The following TANC1 variants were observed in gnomAD, a reference collection of about 807,000 sequenced individuals.
The protein encoded by TANC1 is tetratricopeptide repeat, ankyrin repeat and coiled-coil containing 1, also known as protein TANC1.
Under a neutral mutation model 149.7 loss-of-function variants are expected in TANC1, and 77 were observed. The ratio of observed to expected loss-of-function variants is 0.51; its 90% CI spans 0.43 to 0.62. The LOEUF is 0.62. Ranked by LOEUF, TANC1 falls within the 20% of genes least tolerant of loss-of-function variation. TANC1 has a pLI of 0.00. For missense variants in TANC1, 1,985 were observed against 2,321.8 expected (o/e 0.85, Z 2.98); for synonymous variants, 854 against 925.0 (o/e 0.92, Z 1.39).
At chr2:159,074,589 T>C (rs1402221183) in intron 3 of TANC1, among the ~76,000 whole-genome samples, 3 of 152,222 alleles carry the variant, frequency 2.0e-5, no homozygotes, top group East Asian at 1.9e-4. Context: ...ATGCATTGTT[T>C]CTTTGTGAGG....
chr2:158,972,865 A>G (rs1274956723), intron 1 of TANC1, among the ~76,000 whole-genome samples: 1 of 152,176 alleles, frequency 6.6e-6, no homozygotes, highest in African/African-American at 2.4e-5. Context: ...AAGAGCAGCA[A>G]AGGAGAAGAA....
At chr2:159,010,979 A>T (rs1387567207) in intron 2 of TANC1, among the ~76,000 whole-genome samples, 4 of 152,066 alleles carry the variant, frequency 2.6e-5, no homozygotes, top group South Asian at 4.2e-4. Flanking sequence ...AGAGCTGAGG[A>T]TGGAAGGTGA....
intron 3 of TANC1, among the ~76,000 whole-genome samples, chr2:159,077,972 A>T (rs910001922): frequency 6.6e-6 from 1 of 152,228 alleles, no homozygotes; most frequent in Admixed American, 6.5e-5. Flanking sequence ...AAACTATTTC[A>T]TCTTTGCCAG....
intron 2 of TANC1, among the ~76,000 whole-genome samples, chr2:159,004,901 A>G (rs1311300497): frequency 1.3e-5 from 2 of 152,156 alleles, no homozygotes; most frequent in Non-Finnish European, 2.9e-5. Context: ...ACAGTGATTT[A>G]CCCACATATT....
Position 159,001,298 on chromosome 2 carries a change from C to T in TANC1, c.-16+109C>T, listed in dbSNP as rs941583022. ...AGAAGAGAGATGGCCTGTAGAACGT[C>T]CAGTCTTTCCACCTGCCCAGAGCCA... On this transcript the variant is annotated intron_variant, in intron 2 of 26. Transcript: ENST00000263635. This position sits in a 1 kb window ranked among gnomAD's most constrained non-coding sequence, Gnocchi z 4.3. 1 of 152,344 alleles carries T rather than the reference C, an allele frequency of 6.6e-6. No individual in the cohort carries two copies. Among genetic ancestry groups the T allele is most frequent in the South Asian group, 2.1e-4 (1 of 4,820 alleles). 9.4% of individuals were successfully genotyped at this position (152,344 alleles called of 1,614,324 possible). A position where few individuals can be genotyped will look rare whatever the true frequency, so the allele number is the denominator to read the frequency against.
At chr2:159,015,987 C>T (rs768922358) in intron 2 of TANC1, among the ~76,000 whole-genome samples, 6 of 152,166 alleles carry the variant, frequency 3.9e-5, no homozygotes, top group Non-Finnish European at 7.3e-5. Context: ...TGTATGTTAC[C>T]CAGTTCCAAA....
In TANC1 at chr2:159,227,880, A is replaced by G. The variant is rs781595082; in HGVS notation, c.3965A>G (p.Glu1322Gly). 6.2e-7 allele frequency: 1 copy of G among 1,614,162 alleles called. No homozygotes were observed. The highest frequency in any genetic ancestry group is 8.5e-7 in the Non-Finnish European group (1 of 1,180,000). ...TATGCCTTAAGAAAGTTTCCTCGAGAAGGATTCGGAGAGGACATGAGACCC... is the reference window on the plus strand; with the variant it reads ...TATGCCTTAAGAAAGTTTCCTCGAGGAGGATTCGGAGAGGACATGAGACCC... ...YQYALRKFPR[E>G]GFGEDMRPFN... The change falls in exon 25 of 27, where the codon GAA becomes GGA. Residue 1322 changes from glutamate (E) to glycine (G), a missense_variant. Physicochemically the swap from Glu to Gly is moderately conservative, Grantham distance 98. Around this residue, in one of 3 missense-constraint regions of TANC1, gnomAD observed 920 missense variants for 994.7 expected, o/e 0.92. Transcript: ENST00000263635.
chr2:159,078,953 A>G (rs371756366), intron 3 of TANC1, among the ~76,000 whole-genome samples: 1 of 131,694 alleles, frequency 7.6e-6, no homozygotes. Context: ...TGTTGAAGAT[A>G]TAGGGTTGTT....
At chr2:158,998,434 A>G (rs1289849529) in intron 1 of TANC1, among the ~76,000 whole-genome samples, 1 of 152,140 alleles carries the variant, frequency 6.6e-6, no homozygotes, top group Non-Finnish European at 1.5e-5. Flanking sequence ...CCCTACCCCC[A>G]ACAAAAATTT....
intron 2 of TANC1, among the ~76,000 whole-genome samples, chr2:159,012,486 A>G (rs2149383439): frequency 6.6e-6 from 1 of 152,070 alleles, no homozygotes; most frequent in Non-Finnish European, 1.5e-5. Flanking sequence ...TCATGTAAAC[A>G]GAAACTGCCC....
chr2:159,204,138 G>A (rs542241179), intron 19 of TANC1, among the ~76,000 whole-genome samples: 2 of 152,348 alleles, frequency 1.3e-5, no homozygotes, highest in East Asian at 3.9e-4. Flanking sequence ...ATTGGACAGT[G>A]CAGGTATAGC....
At chr2:159,060,929 T>G (rs890424315) in intron 2 of TANC1, among the ~76,000 whole-genome samples, 1 of 152,230 alleles carries the variant, frequency 6.6e-6, no homozygotes, top group Non-Finnish European at 1.5e-5. Flanking sequence ...CAACACAACA[T>G]GCTGTGCAGA....
chr2:159,207,444 G>A (rs1455902642), intron 19 of TANC1, among the ~76,000 whole-genome samples: 1 of 152,184 alleles, frequency 6.6e-6, no homozygotes, highest in Non-Finnish European at 1.5e-5. Flanking sequence ...GCTCACGCCT[G>A]TAATCCCAGC....
chr2:159,135,786 C>T (rs955562382), intron 4 of TANC1, among the ~76,000 whole-genome samples: 1 of 152,238 alleles, frequency 6.6e-6, no homozygotes, highest in Non-Finnish European at 1.5e-5. Context: ...TTTGTCCCAT[C>T]CTTGTCCTAG....
At chr2:159,126,620 T>A (rs957067989) in intron 4 of TANC1, among the ~76,000 whole-genome samples, 1 of 152,272 alleles carries the variant, frequency 6.6e-6, no homozygotes, top group African/African-American at 2.4e-5. Flanking sequence ...GCAGACTGGC[T>A]TGCAGTAGTG....
At chr2:159,223,326 C>T (rs561919428) in intron 22 of TANC1, among the ~76,000 whole-genome samples, 39 of 152,008 alleles carry the variant, frequency 2.6e-4, no homozygotes, top group African/African-American at 8.9e-4. Context: ...TTGTAGCCAT[C>T]GTAATGGGTA....
In TANC1 at chr2:159,178,898, T is replaced by C. The variant is rs532163462; in HGVS notation, c.2245T>C (p.Ser749Pro). 16 of 1,614,166 alleles carry C rather than the reference T, an allele frequency of 9.9e-6. No homozygotes were observed. The South Asian group carries it at 1.6e-4, about 17-fold the overall frequency. The change falls in exon 14 of 27, where the codon TCC becomes CCC. Residue 749 changes from serine to proline, a missense_variant. By Grantham distance (74) the Ser-to-Pro change is moderately conservative (BLOSUM62 -1). Transcript: ENST00000263635. Reference protein sequence around the residue: ...LQCNMKFMTQSAFERALPILN... With the variant: ...LQCNMKFMTQPAFERALPILN... ...GTGCAACATGAAGTTCATGACCCAG[T>C]CCGCCTTTGAGAGGGCACTTCCGAT...
chr2:159,109,367 C>T (rs1346132435), intron 4 of TANC1, among the ~76,000 whole-genome samples: 1 of 152,134 alleles, frequency 6.6e-6, no homozygotes, highest in East Asian at 1.9e-4. Context: ...TTTATGTCCC[C>T]CCAAAATTGA....
chr2:159,112,224 G>A (rs1038073046), intron 4 of TANC1, among the ~76,000 whole-genome samples: 5 of 151,980 alleles, frequency 3.3e-5, no homozygotes, highest in Admixed American at 2.6e-4. Context: ...AAGTTTTTTG[G>A]GTTTTTTTGT....
Sources: allele counts gnomAD v4.1 joint callset (sites outside exome capture counted in the v4.1 genomes callset), GRCh38; gene constraint gnomAD v4.1.1; regional missense constraint gnomAD v4.1.1; non-coding constraint Gnocchi (gnomAD v3.1); transcripts MANE v1.5; gene names NCBI Gene and HGNC (gene_info 2026-07-23, HGNC 2026-07-21).